Variants in C2orf76 observed in about 807,000 individuals in gnomAD.
C2orf76 encodes the protein chromosome 2 open reading frame 76.
In C2orf76, 23 loss-of-function variants were observed where a neutral mutation model predicts 16.9. The ratio of observed to expected loss-of-function variants is 1.36; its 90% confidence interval spans 0.98 to 1.93. The LOEUF (loss-of-function observed/expected upper bound fraction) is 1.93, where lower values mean the gene tolerates loss of function less well. Among genes scored for constraint, C2orf76 ranks in the 30% most tolerant of loss-of-function variants. The pLI, the probability that C2orf76 is intolerant of heterozygous loss-of-function variation, is 0.00. For synonymous variants in C2orf76, 48 were observed against 52.3 expected (o/e 0.92, Z 0.35); for missense variants, 152 against 152.6 (o/e 1.00, Z 0.02).
intron 1 of C2orf76, among the ~76,000 whole-genome samples, chr2:119,355,870 A>G (rs981610517): frequency 3.3e-5 from 5 of 152,202 alleles, no homozygotes; most frequent in African/African-American, 1.2e-4. Context: ...CACCCCACTA[A>G]TGACTGCAAA....
At chr2:119,289,877 G>A in the C2orf76 span, among the ~76,000 whole-genome samples, 1 of 151,974 alleles carries the variant, frequency 6.6e-6, no homozygotes, top group Non-Finnish European at 1.5e-5. Flanking sequence ...GCCAGGAAGA[G>A]AGACCACAGA....
intron 1 of C2orf76, among the ~76,000 whole-genome samples, chr2:119,351,980 A>T (rs1421314550): frequency 1.3e-5 from 2 of 152,234 alleles, no homozygotes; most frequent in Non-Finnish European, 2.9e-5. Flanking sequence ...CCTGGTATAT[A>T]TGCCTTATGG....
intron 2 of C2orf76, among the ~76,000 whole-genome samples, chr2:119,332,895 A>G (rs1224024615): frequency 6.6e-6 from 1 of 152,090 alleles, no homozygotes; most frequent in Non-Finnish European, 1.5e-5. Flanking sequence ...AAGCCAGGCC[A>G]ATGTTTTTAC....
the C2orf76 span, among the ~76,000 whole-genome samples, chr2:119,282,059 T>G: frequency 6.6e-6 from 1 of 151,774 alleles, no homozygotes; most frequent in South Asian, 2.1e-4. Context: ...GGCAGGAGAA[T>G]CACTTGAATC....
intron 1 of C2orf76, among the ~76,000 whole-genome samples, chr2:119,349,896 G>A (rs1680327681): frequency 6.6e-6 from 1 of 152,148 alleles, no homozygotes; most frequent in African/African-American, 2.4e-5. Flanking sequence ...CTTGTGTAGC[G>A]TGAGGCACCT....
chr2:119,326,599 A>G (rs1573644437), intron 2 of C2orf76, among the ~76,000 whole-genome samples: 1 of 29,024 alleles, frequency 3.4e-5, no homozygotes, highest in East Asian at 4.2e-4. Context: ...ATCTGAAAGG[A>G]AAAAAAAAAG....
intron 1 of C2orf76, among the ~76,000 whole-genome samples, chr2:119,354,118 G>A (rs1053685971): frequency 6.6e-6 from 1 of 152,090 alleles, no homozygotes; most frequent in Non-Finnish European, 1.5e-5. Flanking sequence ...ACATCAAATT[G>A]TGCTCCCCAA....
intron 2 of C2orf76, among the ~76,000 whole-genome samples, chr2:119,339,428 G>A (rs543836262): frequency 5.3e-5 from 8 of 152,064 alleles, no homozygotes; most frequent in East Asian, 1.9e-4. Flanking sequence ...TACAGCCTCC[G>A]CTCCCCTCCC....
At chr2:119,339,307 A>C (rs961912052) in intron 2 of C2orf76, among the ~76,000 whole-genome samples, 2 of 152,226 alleles carry the variant, frequency 1.3e-5, no homozygotes, top group Non-Finnish European at 2.9e-5. Context: ...TTGAGGACAT[A>C]ACAGAATGAA....
intron 1 of C2orf76, among the ~76,000 whole-genome samples, chr2:119,345,016 T>C (rs1454764050): frequency 1.3e-5 from 2 of 152,152 alleles, no homozygotes; most frequent in Non-Finnish European, 1.5e-5. Flanking sequence ...CAAAATAACG[T>C]GTCTATGAAA....
chr2:119,308,058 C>G (rs1410934366), intron 5 of C2orf76, among the ~76,000 whole-genome samples: 1 of 152,098 alleles, frequency 6.6e-6, no homozygotes, highest in African/African-American at 2.4e-5. Context: ...GGATAAGAGG[C>G]TTACAGAAAG....
chr2:119,351,475 G>C (rs1380836774), intron 1 of C2orf76, among the ~76,000 whole-genome samples: 1 of 152,186 alleles, frequency 6.6e-6, no homozygotes, highest in Non-Finnish European at 1.5e-5. Flanking sequence ...GAGCGACTGG[G>C]CACGGTGGCT....
At chr2:119,341,456 A>G (rs1680027670) in intron 1 of C2orf76, among the ~76,000 whole-genome samples, 1 of 152,236 alleles carries the variant, frequency 6.6e-6, no homozygotes, top group Non-Finnish European at 1.5e-5. Flanking sequence ...AAACACAAAT[A>G]GGCTGAAGTA....
intron 1 of C2orf76, among the ~76,000 whole-genome samples, chr2:119,364,363 C>G (rs1353617389): frequency 6.6e-6 from 1 of 152,184 alleles, no homozygotes; most frequent in Admixed American, 6.5e-5. Flanking sequence ...TCTCCAGGTG[C>G]TCTGCTTCCA....
At chr2:119,306,672 TA>T (rs1678796647) in intron 5 of C2orf76, among the ~76,000 whole-genome samples, 1 of 152,056 alleles carries the variant, frequency 6.6e-6, no homozygotes, top group South Asian at 2.1e-4. Flanking sequence ...AATTAGCCCA[TA>T]AAACTACAAT....
intron 2 of C2orf76, 103 bp from the exon 3 acceptor site, chr2:119,321,307 C>G (rs1292572288): frequency 1.5e-6 from 1 of 658,096 alleles, no homozygotes; most frequent in Non-Finnish European, 2.6e-6. Flanking sequence ...ACTAAGTTAC[C>G]TTGAAAAACC....
In C2orf76 at chr2:119,339,808, T is replaced by C. The variant is rs1244086856; in HGVS notation, c.133+19A>G. The C allele has an allele frequency of 1.3e-6, 2 of 1,577,976 alleles. No homozygotes were observed. The highest frequency in any genetic ancestry group is 1.3e-5 in the African/African-American group (1 of 74,302). ...TTTAAAAACTACTAGTAAAACAAAA[T>C]GGCTTTCACATCTCATACCTTGCTT... On this transcript the variant is annotated intron_variant, in intron 2 of 5. Coordinates refer to ENST00000334816, the MANE Select transcript of C2orf76 (RefSeq NM_001322331.2).
At chr2:119,306,465 C>G (rs13395361) in intron 5 of C2orf76, among the ~76,000 whole-genome samples, 55,109 of 151,962 alleles carry the variant, frequency 0.36, 10,371 homozygotes, top group South Asian at 0.43. Context: ...CAGATAAACA[C>G]TTAGAGTTTG....
chr2:119,291,191 C>G, the C2orf76 span, among the ~76,000 whole-genome samples: 1 of 151,946 alleles, frequency 6.6e-6, no homozygotes, highest in South Asian at 2.1e-4. Flanking sequence ...AGAAGCTGCT[C>G]GGCAAGATGT....
Sources: allele counts gnomAD v4.1 joint callset (sites outside exome capture counted in the v4.1 genomes callset), GRCh38; gene constraint gnomAD v4.1.1; transcripts MANE v1.5; gene names NCBI Gene and HGNC (gene_info 2026-07-23, HGNC 2026-07-21).